CUL5: variants seen among roughly 807,000 people sequenced by gnomAD.
The protein encoded by CUL5 is cullin 5, also known as cullin-5.
Under a neutral mutation model 108.8 loss-of-function variants are expected in CUL5, and 26 were observed. That is an observed-to-expected ratio of 0.24 (90% confidence interval 0.18 to 0.33). The LOEUF is 0.33. Ranked by LOEUF, CUL5 falls within the 10% of genes least tolerant of loss-of-function variation. The pLI is 1.00. For synonymous variants in CUL5, 334 were observed against 298.0 expected, an observed-to-expected ratio of 1.12 and a Z score of -1.25; for missense variants, 524 against 909.2, an observed-to-expected ratio of 0.58 and a Z score of 5.45.
chr11:108,055,775 C>T (rs764352857), intron 7 of CUL5, among the ~76,000 whole-genome samples: 30 of 152,128 alleles, frequency 2.0e-4, no homozygotes, highest in Admixed American at 7.2e-4. Context: ...GGACTACAAG[C>T]GCATGCCACC....
chr11:108,015,315 C>G (rs894226523), intron 1 of CUL5, among the ~76,000 whole-genome samples: 1 of 152,208 alleles, frequency 6.6e-6, no homozygotes, highest in Non-Finnish European at 1.5e-5. Context: ...GTAGAGGGAA[C>G]AGCCAGTGTG....
intron 1 of CUL5, among the ~76,000 whole-genome samples, chr11:108,017,389 CA>C (rs71840119): frequency 0.03 from 3,121 of 102,806 alleles, 100 homozygotes; most frequent in African/African-American, 0.12. Context: ...GACCCTGTCT[CA>C]AAAAAAAAAA....
chr11:108,100,021 T>C (rs1007696714), intron 18 of CUL5, among the ~76,000 whole-genome samples: 20 of 151,932 alleles, frequency 1.3e-4, no homozygotes, highest in African/African-American at 4.4e-4. Context: ...AAAAGATTGG[T>C]TTTTCTGATA....
At chr11:108,101,278 G>C (rs1054336565) in intron 18 of CUL5, among the ~76,000 whole-genome samples, 2 of 152,230 alleles carry the variant, frequency 1.3e-5, no homozygotes, top group Non-Finnish European at 1.5e-5. Flanking sequence ...GGTAATGACA[G>C]TAAAGGGAGT....
rs12794718 is a variant in CUL5 at position 108,055,182 on chromosome 11, C to T, written c.780+227C>T. ...ATCAAATCTATTTGCCATACCTGTT[C>T]TAGACTTTATTTAATATAATTAATT... On this transcript the variant is annotated intron_variant, in intron 7 of 18. Transcript: ENST00000393094. Among the ~76,000 whole-genome samples, 1,236 of 152,168 alleles carry T rather than the reference C, an allele frequency of 8.1e-3. 7 individuals are homozygous for T. Among genetic ancestry groups the T allele is most frequent in the Non-Finnish European group, 0.014 (948 of 67,976 alleles).
Position 108,033,972 on chromosome 11 carries a change from A to C in CUL5, c.134+61A>C, listed in dbSNP as rs80322768. On this transcript the variant is annotated intron_variant, in intron 2 of 18. Coordinates refer to ENST00000393094, the MANE Select transcript of CUL5 (RefSeq NM_003478.6). ...GGAAATTTTAGTGATGTCTTTCCAT[A>C]CCCAAATGGAATGTGTAACTCTAAG... 7.4e-3 allele frequency: 6,986 copies of C among 948,632 alleles called. 278 individuals carry two copies. In the African/African-American group the frequency reaches 0.09, roughly 12 times the overall value. 58.8% of individuals were successfully genotyped at this position (948,632 alleles called of 1,614,324 possible).
chr11:108,088,783 G>A (rs1277584461), intron 12 of CUL5, 124 bp downstream of exon 12: 16 of 751,256 alleles, frequency 2.1e-5, no homozygotes, highest in African/African-American at 7.4e-5. Context: ...CTAATGTTAC[G>A]AAGATTTGCA....
intron 3 of CUL5, among the ~76,000 whole-genome samples, chr11:108,047,660 T>C (rs1387534792): frequency 6.6e-6 from 1 of 152,206 alleles, no homozygotes; most frequent in Non-Finnish European, 1.5e-5. Flanking sequence ...AATTGTAGTT[T>C]TATAGGAAGT....
rs1209761235 is a variant in CUL5 at position 108,049,904 on chromosome 11, T to C, written c.249T>C (p.His83=). 6.2e-7 allele frequency: 1 copy of C among 1,613,088 alleles called. No individual in the cohort carries two copies. ...IKQAQARVLS[H]QDDTALLKAY... is the part of the protein sequence containing the mutation. ...CTTTTTTTCAGCGAGTACTGAGCCA[T>C]CAAGATGATACGGCTTTGCTAAAAG... The change falls in exon 4 of 19, where the codon CAT becomes CAC. Residue 83 remains histidine, a synonymous_variant. Transcript: ENST00000393094.
intron 2 of CUL5, among the ~76,000 whole-genome samples, chr11:108,045,250 G>A (rs1365919985): frequency 6.6e-6 from 1 of 152,150 alleles, no homozygotes; most frequent in Admixed American, 6.5e-5. Context: ...ATGTGTAAAT[G>A]GGTAATATAT....
At chr11:108,050,848 TGTGTC>T (rs911844802) in intron 4 of CUL5, among the ~76,000 whole-genome samples, 13 of 152,222 alleles carry the variant, frequency 8.5e-5, no homozygotes, top group African/African-American at 3.1e-4. Context: ...ATTTAAAAAT[TGTGTC>T]AAGTAACCAG....
chr11:108,088,076 TATC>T (rs942030765), intron 11 of CUL5, among the ~76,000 whole-genome samples: 2 of 151,976 alleles, frequency 1.3e-5, no homozygotes, highest in African/African-American at 4.8e-5. Flanking sequence ...ATGGTATATA[TATC>T]ATCATTATGG....
chr11:108,034,264 A>G (rs1490229231), intron 2 of CUL5, among the ~76,000 whole-genome samples: 1 of 152,198 alleles, frequency 6.6e-6, no homozygotes, highest in African/African-American at 2.4e-5. Flanking sequence ...TTTTCCAGCA[A>G]TGATTGACAG....
intron 18 of CUL5, among the ~76,000 whole-genome samples, chr11:108,100,724 C>T (rs1380142809): frequency 6.6e-6 from 1 of 151,924 alleles, no homozygotes; most frequent in African/African-American, 2.4e-5. Context: ...CCAGGATAAA[C>T]TCCTGGAGTA....
chr11:108,010,677 A>G (rs1300153921), intron 1 of CUL5, among the ~76,000 whole-genome samples: 2 of 152,260 alleles, frequency 1.3e-5, no homozygotes, highest in Admixed American at 1.3e-4. Context: ...TTAGTATAAT[A>G]CAATAAATTA....
chr11:108,101,311 A>G (rs1435360223), intron 18 of CUL5, among the ~76,000 whole-genome samples: 3 of 152,192 alleles, frequency 2.0e-5, no homozygotes, highest in African/African-American at 4.8e-5. Context: ...CAGTTATGAC[A>G]GTGTCCTGGA....
At chr11:108,028,710 C>A (rs1862507283) in intron 1 of CUL5, among the ~76,000 whole-genome samples, 1 of 151,988 alleles carries the variant, frequency 6.6e-6, no homozygotes, top group African/African-American at 2.4e-5. Flanking sequence ...GTGGTGCACA[C>A]CTGTAATCCC....
At chr11:108,081,282 C>T (rs984479185) in intron 11 of CUL5, among the ~76,000 whole-genome samples, 5 of 151,998 alleles carry the variant, frequency 3.3e-5, no homozygotes, top group South Asian at 2.1e-4. Flanking sequence ...AGTGAGACTT[C>T]GTCTCAACAA....
chr11:108,017,034 T>A (rs1045752503), intron 1 of CUL5, among the ~76,000 whole-genome samples: 1 of 152,152 alleles, frequency 6.6e-6, no homozygotes. Context: ...GTAATTGATC[T>A]GTGTAGCTGT....
Sources: gnomAD v4.1 joint callset for allele counts (sites outside exome capture counted in the v4.1 genomes callset) on GRCh38, gnomAD v4.1.1 for gene constraint, MANE v1.5 for transcripts, NCBI Gene and HGNC (gene_info 2026-07-23, HGNC 2026-07-21) for gene names.